Variants in SCN1A observed in about 807,000 individuals in gnomAD.
SCN1A encodes the protein sodium voltage-gated channel alpha subunit 1, also known as sodium channel protein type 1 subunit alpha.
In SCN1A, 13 loss-of-function variants were observed where a neutral mutation model predicts 193.7. The observed-to-expected ratio is 0.07, with a 90% CI of 0.04 to 0.11. The LOEUF is 0.11. Ranked by LOEUF, SCN1A falls within the 10% of genes least tolerant of loss-of-function variation. SCN1A has a pLI of 1.00. For missense variants in SCN1A, 1,432 were observed against 2,451.1 expected (o/e 0.58, Z 8.78); for synonymous variants, 781 against 843.6 (o/e 0.93, Z 1.29).
intron 19 of SCN1A, among the ~76,000 whole-genome samples, chr2:166,020,817 T>TG (rs532308134): frequency 2.4e-3 from 366 of 152,002 alleles, no homozygotes; most frequent in Non-Finnish European, 4.1e-3. Flanking sequence ...ATTTGTCCTC[T>TG]GGGGGAAAAA....
At chr2:166,000,073 C>T (rs1197421512) in intron 24 of SCN1A, 7 of 375,082 alleles carry the variant, frequency 1.9e-5, no homozygotes, top group African/African-American at 6.1e-5. Flanking sequence ...TTAAAATTTG[C>T]TGGAGCACTT....
intron 2 of SCN1A, among the ~76,000 whole-genome samples, chr2:166,120,628 A>G (rs1574594196): frequency 1.2e-5 from 1 of 84,114 alleles, no homozygotes; most frequent in Admixed American, 2.3e-4. Flanking sequence ...TTTTTTTGAG[A>G]CAGAGTCTTG....
At chr2:166,146,294 A>G (rs1187940466) in intron 1 of SCN1A, among the ~76,000 whole-genome samples, 1 of 152,248 alleles carries the variant, frequency 6.6e-6, no homozygotes, top group Non-Finnish European at 1.5e-5. Context: ...GGGTGCAAAC[A>G]GGTCCCACCT....
chr2:166,120,674 C>T (rs1690478960), intron 2 of SCN1A, among the ~76,000 whole-genome samples: 1 of 129,470 alleles, frequency 7.7e-6, no homozygotes, highest in East Asian at 2.5e-4. Context: ...AGTGCAGTGG[C>T]ATGATCTCGG....
chr2:166,010,606 A>G (rs1692310387), intron 22 of SCN1A, among the ~76,000 whole-genome samples: 3 of 151,304 alleles, frequency 2.0e-5, no homozygotes, highest in Admixed American at 6.6e-5. Context: ...TAAGGAATTT[A>G]CTAAAACTTT....
Position 166,054,726 on chromosome 2 carries a change from T to G in SCN1A, c.514A>C (p.Lys172Gln). ...AAACAGAATCCCCTTGCAATAATTTTTATAAGTGATTCAAAAGTATATATT... is the reference window on the plus strand; with the variant it reads ...AAACAGAATCCCCTTGCAATAATTTGTATAAGTGATTCAAAAGTATATATT... ...TGIYTFESLI[K>Q]IIARGFCLED... The change falls in exon 7 of 29, where the codon AAA (lysine) becomes CAA (glutamine). Residue 172 changes from lysine to glutamine, a missense_variant. Transcript: ENST00000674923. 1 of 1,611,718 alleles carries G rather than the reference T, an allele frequency of 6.2e-7. No individual in the cohort carries two copies. Among genetic ancestry groups the G allele is most frequent in the Non-Finnish European group, 8.5e-7 (1 of 1,178,432 alleles).
At chr2:166,136,877 G>A (rs768662399) in intron 1 of SCN1A, among the ~76,000 whole-genome samples, 1 of 152,036 alleles carries the variant, frequency 6.6e-6, no homozygotes, top group Non-Finnish European at 1.5e-5. Flanking sequence ...AGGAAGTGAG[G>A]TGTGGTCGGG....
Position 166,013,779 on chromosome 2 carries a change from T to C in SCN1A, c.3670A>G (p.Ile1224Val), listed in dbSNP as rs1210683098. The C allele has an allele frequency of 1.9e-6, 3 of 1,612,036 alleles. No homozygotes were observed. The highest frequency in any genetic ancestry group is 1.3e-5 in the African/African-American group (1 of 74,918). ...IVEHNWFETF[I>V]VFMILLSSGA... is the part of the protein sequence containing the mutation. ...CTACTAAGGAGAATCATGAAAACAA[T>C]GAAGGTCTCAAACCAGTTATGTTCA... Residue 1224 changes from isoleucine to valine, a missense_variant, in exon 21 of 29, where the codon ATT (isoleucine) becomes GTT (valine). This residue lies in a region of SCN1A where 107 missense variants were observed against 259.4 expected (regional missense o/e 0.41). Coordinates refer to ENST00000674923, the MANE Select transcript of SCN1A (RefSeq NM_001165963.4).
chr2:166,108,284 T>C (rs1688912914), intron 2 of SCN1A, among the ~76,000 whole-genome samples: 1 of 151,704 alleles, frequency 6.6e-6, no homozygotes, highest in Non-Finnish European at 1.5e-5. Flanking sequence ...ATGACTATAA[T>C]AATAATAAAA....
At chr2:166,005,732 T>C (rs989957323) in intron 23 of SCN1A, among the ~76,000 whole-genome samples, 1 of 151,344 alleles carries the variant, frequency 6.6e-6, no homozygotes, top group Non-Finnish European at 1.5e-5. Context: ...TATTAACTTT[T>C]TTCAGTCTCA....
At position 165,994,436 on chromosome 2, in the gene SCN1A, C is replaced by T; in HGVS notation, c.4582-20G>A. 6.2e-7 allele frequency: 1 copy of T among 1,611,332 alleles called. No homozygotes were observed. Among genetic ancestry groups the T allele is most frequent in the South Asian group, 1.1e-5 (1 of 91,000 alleles). Reference sequence around the variant, plus strand: ...TTTGTTCTGTAGAGAAATAGAAATGCTTTTAACAACAAAGGAGTTTTCTCA... The same window carrying T: ...TTTGTTCTGTAGAGAAATAGAAATGTTTTTAACAACAAAGGAGTTTTCTCA... On this transcript the variant is annotated intron_variant, in intron 27 of 28. Coordinates refer to ENST00000674923, the MANE Select transcript of SCN1A (RefSeq NM_001165963.4).
At chr2:166,047,543 T>C (rs1378229179) in intron 11 of SCN1A, 84 bp downstream of exon 11, 3 of 1,471,838 alleles carry the variant, frequency 2.0e-6, no homozygotes, top group Non-Finnish European at 2.8e-6. Flanking sequence ...TCTACTATAT[T>C]ATCATCCGGT....
rs1688771443 is a variant in SCN1A at position 165,988,873 on chromosome 2, T to C, written c.*2372A>G. On this transcript the variant is annotated 3_prime_UTR_variant, in exon 29 of 29. Transcript: ENST00000674923. Reference sequence around the variant, plus strand: ...TCATCCACCATCACTCTGGCTTCCATACTTCTCTTCCTCCTAGAATCACTA... The same window carrying C: ...TCATCCACCATCACTCTGGCTTCCACACTTCTCTTCCTCCTAGAATCACTA... 2 of 152,336 alleles carry C rather than the reference T, an allele frequency of 1.3e-5. No individual in the cohort carries two copies. The highest frequency in any genetic ancestry group is 1.3e-4 in the Admixed American group (2 of 15,272). 9.4% of individuals were successfully genotyped at this position (152,336 alleles called of 1,614,324 possible).
chr2:166,015,536 A>C (rs1286601798), intron 20 of SCN1A, 71 bp downstream of exon 20: 1 of 1,574,768 alleles, frequency 6.4e-7, no homozygotes, highest in African/African-American at 1.4e-5. Context: ...TATGTGATTT[A>C]TTTTAGCTGA....
chr2:166,076,855 C>T (rs977048844), intron 3 of SCN1A, among the ~76,000 whole-genome samples: 1 of 149,372 alleles, frequency 6.7e-6, no homozygotes, highest in African/African-American at 2.4e-5. Context: ...AAAAAATGAA[C>T]CTAGACCTTA....
At chr2:166,148,276 C>CT (rs1692402062) in intron 1 of SCN1A, among the ~76,000 whole-genome samples, 1 of 152,194 alleles carries the variant, frequency 6.6e-6, no homozygotes, top group African/African-American at 2.4e-5. Context: ...CTGCGGCAAT[C>CT]TTACCCTGCT....
intron 27 of SCN1A, 96 bp from the exon 28 acceptor site, chr2:165,994,512 G>A: frequency 1.7e-6 from 2 of 1,161,124 alleles, no homozygotes; most frequent in Non-Finnish European, 2.5e-6. Flanking sequence ...CTAGTTTCTT[G>A]CAAAGTAGTC....
At chr2:166,104,613 C>T (rs1006675614) in intron 2 of SCN1A, among the ~76,000 whole-genome samples, 2 of 152,104 alleles carry the variant, frequency 1.3e-5, no homozygotes, top group East Asian at 1.9e-4. Flanking sequence ...CATGGTGGTG[C>T]GTTTGTGTAG....
At chr2:166,048,370 G>T (rs1698100203) in intron 10 of SCN1A, among the ~76,000 whole-genome samples, 1 of 151,950 alleles carries the variant, frequency 6.6e-6, no homozygotes, top group Non-Finnish European at 1.5e-5. Context: ...GCACACTCTG[G>T]TAGGCCCTAG....
Sources: gnomAD v4.1 joint callset for allele counts (sites outside exome capture counted in the v4.1 genomes callset) on GRCh38, gnomAD v4.1.1 for gene constraint, gnomAD v4.1.1 regional missense constraint, MANE v1.5 for transcripts, NCBI Gene and HGNC (gene_info 2026-07-23, HGNC 2026-07-21) for gene names.